PCDH15: variants seen among roughly 807,000 people sequenced by gnomAD.
The protein encoded by PCDH15 is protocadherin related 15.
Under a neutral mutation model 178.5 loss-of-function variants are expected in PCDH15, and 129 were observed. The observed-to-expected ratio is 0.72, with a 90% confidence interval of 0.63 to 0.84. The LOEUF is 0.84. Ranked by LOEUF, PCDH15 falls within the 40% of genes least tolerant of loss-of-function variation. The pLI, the probability that PCDH15 is intolerant of heterozygous loss-of-function variation, is 0.00. For synonymous variants in PCDH15, 800 were observed against 732.0 expected (o/e 1.09, Z -1.50); for missense variants, 2,230 against 2,099.9 (o/e 1.06, Z -1.21).
intron 3 of PCDH15, among the ~76,000 whole-genome samples, chr10:54,814,216 G>T (rs1347892006): frequency 6.6e-6 from 1 of 152,034 alleles, no homozygotes; most frequent in Non-Finnish European, 1.5e-5. Flanking sequence ...TTCTTAACGG[G>T]ACCATACAGT....
chr10:55,393,000 T>A (rs1424154065), intron 2 of PCDH15, among the ~76,000 whole-genome samples: 3 of 150,572 alleles, frequency 2.0e-5, no homozygotes, highest in African/African-American at 7.5e-5. Context: ...TGTGTGTGTG[T>A]GTGTGTGTGT....
At position 54,183,532 on chromosome 10, in the gene PCDH15, T is replaced by A; in HGVS notation, c.1502A>T (p.Asp501Val). 2 of 1,613,946 alleles carry A rather than the reference T, an allele frequency of 1.2e-6. No homozygotes were observed. Among genetic ancestry groups the A allele is most frequent in the South Asian group, 2.2e-5 (2 of 91,082 alleles). Residue 501 changes from aspartate to valine, a missense_variant, in exon 13 of 38, where the codon GAT becomes GTT. Physicochemically the swap from Asp to Val is radical, Grantham distance 152. Transcript: ENST00000644397. ...EPVIVNIQVMDANDNTPTFPE... is the reference protein window; with the variant it reads ...EPVIVNIQVMVANDNTPTFPE... ...GAAGGTTGGCGTGTTATCATTTGCA[T>A]CCATCACTTGAATATTGACGATGAC...
chr10:54,416,681 G>T (rs1954456242), intron 3 of PCDH15, among the ~76,000 whole-genome samples: 1 of 152,124 alleles, frequency 6.6e-6, no homozygotes, highest in South Asian at 2.1e-4. Context: ...TCTGGTTCTA[G>T]ATCCTTGATG....
chr10:55,112,424 G>T (rs1164905197), intron 2 of PCDH15, among the ~76,000 whole-genome samples: 5 of 152,102 alleles, frequency 3.3e-5, no homozygotes, highest in Non-Finnish European at 7.3e-5. Flanking sequence ...AGGAAAATAG[G>T]AAAAATGAGG....
chr10:54,220,982 T>C (rs2052742871), intron 9 of PCDH15, among the ~76,000 whole-genome samples: 1 of 151,870 alleles, frequency 6.6e-6, no homozygotes, highest in Non-Finnish European at 1.5e-5. Context: ...CACTTAATGT[T>C]TGTGCTTTCA....
intron 1 of PCDH15, among the ~76,000 whole-genome samples, chr10:55,306,790 G>A (rs1402833073): frequency 6.6e-6 from 1 of 152,156 alleles, no homozygotes; most frequent in Non-Finnish European, 1.5e-5. Context: ...ATTTCGGTAT[G>A]AACATGTTTG....
chr10:55,181,516 A>G (rs1473203790), intron 1 of PCDH15, among the ~76,000 whole-genome samples: 1 of 151,952 alleles, frequency 6.6e-6, no homozygotes, highest in East Asian at 1.9e-4. Context: ...ATTTAAGTAG[A>G]TATTTAAAGG....
At chr10:53,910,473 A>C (rs558524626) in intron 25 of PCDH15, among the ~76,000 whole-genome samples, 1 of 152,314 alleles carries the variant, frequency 6.6e-6, no homozygotes, top group East Asian at 1.9e-4. Flanking sequence ...CATCATCAAC[A>C]AAAAGGACAC....
chr10:55,444,143 G>T (rs1037533912), intron 2 of PCDH15, among the ~76,000 whole-genome samples: 1 of 151,784 alleles, frequency 6.6e-6, no homozygotes, highest in Non-Finnish European at 1.5e-5. Context: ...GGGGGGTGGG[G>T]GGTAAGGGGA....
At chr10:54,709,270 A>G (rs1164318926) in intron 1 of PCDH15, among the ~76,000 whole-genome samples, 1 of 151,772 alleles carries the variant, frequency 6.6e-6, no homozygotes, top group Non-Finnish European at 1.5e-5. Context: ...AGAATTTTAT[A>G]CGTAAGTAAA....
rs142451730 is a variant in PCDH15 at position 55,167,484 on chromosome 10, C to T, written c.-155-833G>A. Among the ~76,000 whole-genome samples, 459 of 152,212 alleles carry T rather than the reference C, an allele frequency of 3.0e-3. 6 individuals carry two copies. Among genetic ancestry groups the T allele is most frequent in the African/African-American group, 0.01 (435 of 41,524 alleles). ...TATACCAATAATTTTATTATTGCCA[C>T]AGGGGCACAGCTTTTGTATTTATGC... On this transcript the variant is annotated intron_variant, in intron 1 of 5. Transcript: ENST00000458638.
At chr10:55,164,674 T>C (rs1160163306) in intron 2 of PCDH15, among the ~76,000 whole-genome samples, 2 of 152,058 alleles carry the variant, frequency 1.3e-5, no homozygotes, top group African/African-American at 4.8e-5. Context: ...CAGATTTTCT[T>C]TGTACTAATG....
chr10:54,458,908 T>C (rs2077000281), intron 3 of PCDH15, among the ~76,000 whole-genome samples: 2 of 152,164 alleles, frequency 1.3e-5, no homozygotes, highest in South Asian at 4.1e-4. Context: ...CAGCAGGTTC[T>C]TAAATAATGT....
chr10:54,391,759 T>C (rs1052231027), intron 3 of PCDH15, among the ~76,000 whole-genome samples: 8 of 152,174 alleles, frequency 5.3e-5, no homozygotes, highest in African/African-American at 1.9e-4. Flanking sequence ...CAACTGAATG[T>C]CAGATGGCTC....
At chr10:54,630,181 G>A (rs1210337385) in intron 2 of PCDH15, among the ~76,000 whole-genome samples, 2 of 152,094 alleles carry the variant, frequency 1.3e-5, no homozygotes, top group Non-Finnish European at 2.9e-5. Flanking sequence ...AATTCATATG[G>A]AACTAGAAAA....
intron 2 of PCDH15, among the ~76,000 whole-genome samples, chr10:54,936,761 A>G (rs1837917717): frequency 6.7e-6 from 1 of 150,136 alleles, no homozygotes; most frequent in Non-Finnish European, 1.5e-5. Context: ...TTATATACTT[A>G]GGAAACAAGT....
chr10:54,686,686 T>G (rs1402472472), intron 1 of PCDH15, among the ~76,000 whole-genome samples: 1 of 152,176 alleles, frequency 6.6e-6, no homozygotes, highest in Non-Finnish European at 1.5e-5. Context: ...TTTGGCACCC[T>G]TAGTGAAGAT....
intron 2 of PCDH15, among the ~76,000 whole-genome samples, chr10:55,063,116 T>C (rs1295415426): frequency 2.6e-5 from 4 of 152,142 alleles, no homozygotes. Context: ...CTCAAACTTG[T>C]GTTGTGTGAC....
chr10:55,148,949 T>C (rs1362126162), intron 2 of PCDH15, among the ~76,000 whole-genome samples: 1 of 151,064 alleles, frequency 6.6e-6, no homozygotes, highest in Non-Finnish European at 1.5e-5. Context: ...GATTACATCT[T>C]AGACACTAAA....
Sources: gnomAD v4.1 joint callset for allele counts (sites outside exome capture counted in the v4.1 genomes callset) on GRCh38, gnomAD v4.1.1 for gene constraint, MANE v1.5 for transcripts, NCBI Gene and HGNC (gene_info 2026-07-23, HGNC 2026-07-21) for gene names.